Variants in SYNE2 observed in about 807,000 individuals in gnomAD.
SYNE2 encodes nesprin-2.
In SYNE2, 431 loss-of-function variants were observed where a neutral mutation model predicts 856.3. The ratio of observed to expected loss-of-function variants is 0.50; its 90% CI spans 0.47 to 0.55. SYNE2 has a LOEUF of 0.55. Among genes scored for constraint, SYNE2 ranks in the 20% least tolerant of loss-of-function variants. The pLI, the probability that SYNE2 is intolerant of heterozygous loss-of-function variation, is 0.00. For synonymous variants in SYNE2, 2,923 were observed against 2,872.3 expected (o/e 1.02, Z -0.56); for missense variants, 8,129 against 8,023.2 (o/e 1.01, Z -0.50).
intron 2 of SYNE2, among the ~76,000 whole-genome samples, chr14:63,921,176 C>T (rs1490481128): frequency 6.6e-6 from 1 of 150,606 alleles, no homozygotes; most frequent in African/African-American, 2.5e-5. Flanking sequence ...GATGATAGAA[C>T]CATTTACTGA....
At chr14:64,139,919 T>C in intron 79 of SYNE2, 22 bp from the exon 80 acceptor site, 1 of 1,613,814 alleles carries the variant, frequency 6.2e-7, no homozygotes, top group Non-Finnish European at 8.5e-7. Flanking sequence ...ATCTGCCTTC[T>C]CTCTCACTTT....
At chr14:63,849,268 T>C (rs1377830494), upstream of SYNE2, among the ~76,000 whole-genome samples, 1 of 134,816 alleles carries the variant, frequency 7.4e-6, no homozygotes, top group South Asian at 2.1e-4. Flanking sequence ...TAATCTCCTT[T>C]TTTTTTTTTT....
Position 64,126,672 on chromosome 14 carries a change from T to G in SYNE2, c.13782T>G (p.Thr4594=), listed in dbSNP as rs1439865998. The change falls in exon 73 of 116, where the codon ACT becomes ACG. Residue 4594 remains threonine (T), a synonymous_variant. Coordinates refer to ENST00000555002, the MANE Select transcript of SYNE2 (RefSeq NM_182914.3). ...AGGGTGATCTTTTGAAAGCCATGAC[T>G]TGGCCTGGCGAGAACACCAACTTGC... ...DKKGDLLKAM[T]WPGENTNLLL... is the part of the protein sequence containing the mutation. 1.9e-6 allele frequency: 3 copies of G among 1,614,108 alleles called. No individual in the cohort carries two copies. Among genetic ancestry groups the G allele is most frequent in the Non-Finnish European group, 2.5e-6 (3 of 1,180,046 alleles).
intron 1 of SYNE2, among the ~76,000 whole-genome samples, chr14:63,818,043 A>AAAC (rs1889070551): frequency 1.3e-5 from 2 of 149,188 alleles, no homozygotes; most frequent in Admixed American, 1.3e-4. Flanking sequence ...AAAAAAAAAA[A>AAAC]AAACAAATAA....
At chr14:64,223,556 T>C (rs1012208372) in intron 113 of SYNE2, among the ~76,000 whole-genome samples, 176 bp downstream of exon 113, 1 of 152,206 alleles carries the variant, frequency 6.6e-6, no homozygotes, top group African/African-American at 2.4e-5. Context: ...GCATGAGCTC[T>C]TTGAATCTGT....
chr14:63,970,610 A>G (rs1013738193), intron 11 of SYNE2, among the ~76,000 whole-genome samples: 12 of 117,640 alleles, frequency 1.0e-4, no homozygotes, highest in Non-Finnish European at 1.9e-4. Context: ...TGCTTTTTCT[A>G]TCTCTGTTTC....
At chr14:64,151,368 C>A (rs533287591) in intron 84 of SYNE2, among the ~76,000 whole-genome samples, 1 of 140,718 alleles carries the variant, frequency 7.1e-6, no homozygotes, top group East Asian at 2.2e-4. Flanking sequence ...GCCCACGAGG[C>A]ACTCATGTTT....
intron 2 of SYNE2, among the ~76,000 whole-genome samples, chr14:63,937,902 A>C (rs2095852825): frequency 6.6e-6 from 1 of 152,200 alleles, no homozygotes; most frequent in Non-Finnish European, 1.5e-5. Flanking sequence ...GGGACACTGA[A>C]AAACTGGCAG....
intron 85 of SYNE2, among the ~76,000 whole-genome samples, chr14:64,155,272 A>T (rs1452481495): frequency 7.0e-6 from 1 of 142,896 alleles, no homozygotes; most frequent in Non-Finnish European, 1.5e-5. Context: ...TACAAAAGGA[A>T]TGAAGTAGTA....
chr14:63,860,567 C>T (rs1893275556), intron 1 of SYNE2, among the ~76,000 whole-genome samples: 1 of 152,184 alleles, frequency 6.6e-6, no homozygotes. Flanking sequence ...TTGGAAATTT[C>T]AATCTGAGAT....
chr14:63,838,083 A>T (rs924433195), intron 1 of SYNE2, among the ~76,000 whole-genome samples: 2 of 151,948 alleles, frequency 1.3e-5, no homozygotes, highest in Non-Finnish European at 2.9e-5. Context: ...TAAAAAGACT[A>T]TAAGGGCTGG....
intron 84 of SYNE2, 97 bp from the exon 85 acceptor site, chr14:64,152,467 A>G: frequency 8.4e-7 from 1 of 1,190,544 alleles, no homozygotes; most frequent in Non-Finnish European, 1.2e-6. Flanking sequence ...TAATCTAATG[A>G]CATTTTTACT....
At chr14:64,204,094 A>G (rs1341931868) in intron 100 of SYNE2, among the ~76,000 whole-genome samples, 2 of 152,238 alleles carry the variant, frequency 1.3e-5, no homozygotes, top group African/African-American at 2.4e-5. Flanking sequence ...TCAAAGTGAT[A>G]TGATTTAGTA....
At chr14:63,974,226 G>A (rs1239453904) in intron 11 of SYNE2, among the ~76,000 whole-genome samples, 1 of 152,178 alleles carries the variant, frequency 6.6e-6, no homozygotes, top group Non-Finnish European at 1.5e-5. Context: ...CTTCATATGA[G>A]TATCAAATAA....
At position 64,049,767 on chromosome 14, in the gene SYNE2, A is replaced by G. The variant is rs1378017065; in HGVS notation, c.7534A>G (p.Lys2512Glu). The G allele has an allele frequency of 6.2e-7, 1 of 1,614,174 alleles. No homozygotes were observed. The highest frequency in any genetic ancestry group is 8.5e-7 in the Non-Finnish European group (1 of 1,180,038). The change falls in exon 47 of 116, where the codon AAG (lysine) becomes GAG (glutamate). Residue 2512 changes from lysine (K) to glutamate (E), a missense_variant. By Grantham distance (56) the Lys-to-Glu change is moderately conservative. Transcript: ENST00000555002. Reference protein sequence around the residue: ...DNLLQALITLKKNKESQYCVL... With the variant: ...DNLLQALITLEKNKESQYCVL... ...TTTGCTTCAGGCACTTATTACTTTG[A>G]AGAAAAACAAAGAAAGCCAATATTG...
intron 79 of SYNE2, among the ~76,000 whole-genome samples, chr14:64,138,452 T>C (rs1440203527): frequency 6.6e-6 from 1 of 152,124 alleles, no homozygotes; most frequent in Non-Finnish European, 1.5e-5. Flanking sequence ...CAGGGTGGTC[T>C]CAAGCTCCTA....
At position 64,146,085 on chromosome 14, in the gene SYNE2, A is replaced by G; in HGVS notation, c.15501A>G (p.Gln5167=). Residue 5167 remains glutamine (Q), a synonymous_variant, in exon 84 of 116, where the codon CAA becomes CAG. Transcript: ENST00000555002. The stretch of plus-strand genomic sequence containing the variant: ...TCACTTAGATACAACATTTAGAACA[A>G]CTTCTAGAAAGTATCACTGAGAGTG... ...MLNRKIQHLE[Q]LLESITESEN... is the part of the protein sequence containing the mutation. 6.3e-7 allele frequency: 1 copy of G among 1,583,512 alleles called. No homozygotes were observed. The highest frequency in any genetic ancestry group is 8.6e-7 in the Non-Finnish European group (1 of 1,160,224).
At chr14:63,953,307 C>T (rs2096192969) in intron 7 of SYNE2, among the ~76,000 whole-genome samples, 1 of 152,042 alleles carries the variant, frequency 6.6e-6, no homozygotes, top group African/African-American at 2.4e-5. Flanking sequence ...AAGTGGGAGG[C>T]TTTATGAAGA....
intron 45 of SYNE2, among the ~76,000 whole-genome samples, chr14:64,035,299 C>T (rs1433417679): frequency 6.6e-6 from 1 of 151,880 alleles, no homozygotes; most frequent in Non-Finnish European, 1.5e-5. Context: ...GGAGAGTTTT[C>T]AATCCTGGGG....
Sources: allele counts gnomAD v4.1 joint callset (sites outside exome capture counted in the v4.1 genomes callset), GRCh38; gene constraint gnomAD v4.1.1; transcripts MANE v1.5; gene names NCBI Gene and HGNC (gene_info 2026-07-23, HGNC 2026-07-21).